Variants in PDE8B observed in about 807,000 individuals in gnomAD.
PDE8B encodes phosphodiesterase 8B, also known as high affinity cAMP-specific and IBMX-insensitive 3',5'-cyclic phosphodiesterase 8B.
In PDE8B, 26 loss-of-function variants were observed where a neutral mutation model predicts 101.3. The ratio of observed to expected loss-of-function variants is 0.26; its 90% CI spans 0.19 to 0.36. The LOEUF is 0.36. Ranked by LOEUF, PDE8B falls within the 10% of genes least tolerant of loss-of-function variation. The probability of loss-of-function intolerance (pLI) is 1.00; values close to 1 mark genes in which losing one functional copy is unlikely to be tolerated. For missense variants in PDE8B, 810 were observed against 1,163.1 expected (o/e 0.70, Z 4.42); for synonymous variants, 424 against 429.3 (o/e 0.99, Z 0.15).
chr5:77,383,105 T>A (rs1048720729), intron 10 of PDE8B, among the ~76,000 whole-genome samples: 1 of 152,220 alleles, frequency 6.6e-6, no homozygotes, highest in African/African-American at 2.4e-5. Flanking sequence ...ATCTGTTGTT[T>A]CCTGACTTTT....
chr5:77,136,282 CTGTTTTGTTTTTGTTT>C, the PDE8B span, among the ~76,000 whole-genome samples: 1 of 152,034 alleles, frequency 6.6e-6, no homozygotes, highest in Non-Finnish European at 1.5e-5. Context: ...GTAGCCTTTT[CTGTTTTGTTTTTGTTT>C]TGTTTTGTTT....
At chr5:77,387,277 C>T (rs534184266) in intron 10 of PDE8B, among the ~76,000 whole-genome samples, 36 of 152,216 alleles carry the variant, frequency 2.4e-4, no homozygotes, top group Non-Finnish European at 4.7e-4. Flanking sequence ...GAAAATCTCT[C>T]GGTATTTGCT....
chr5:77,129,735 C>T, the PDE8B span, among the ~76,000 whole-genome samples: 23 of 152,150 alleles, frequency 1.5e-4, no homozygotes, highest in Non-Finnish European at 2.4e-4. Context: ...CTGTGGGATG[C>T]GGTCCATGAC....
chr5:77,097,701 A>ATC, the PDE8B span, among the ~76,000 whole-genome samples: 4 of 21,650 alleles, frequency 1.8e-4, no homozygotes, highest in African/African-American at 5.1e-4. Context: ...ATCTATATAT[A>ATC]TATATCTATA....
chr5:77,381,914 C>T (rs1787548695), intron 10 of PDE8B, among the ~76,000 whole-genome samples: 1 of 152,156 alleles, frequency 6.6e-6, no homozygotes, highest in Non-Finnish European at 1.5e-5. Flanking sequence ...TGGTTTGAAG[C>T]AGTGTATTAT....
chr5:77,314,452 A>T (rs1050774023), intron 2 of PDE8B, among the ~76,000 whole-genome samples: 1 of 152,046 alleles, frequency 6.6e-6, no homozygotes, highest in Non-Finnish European at 1.5e-5. Flanking sequence ...TTTGATAGGG[A>T]TTGCAATGAA....
chr5:77,329,584 C>T (rs769852539), intron 4 of PDE8B, among the ~76,000 whole-genome samples: 15 of 152,068 alleles, frequency 9.9e-5, no homozygotes, highest in Non-Finnish European at 1.9e-4. Context: ...AAAGGGATTG[C>T]GCTGTAGGTG....
chr5:77,257,094 A>G (rs1759340412), intron 1 of PDE8B, among the ~76,000 whole-genome samples: 1 of 152,236 alleles, frequency 6.6e-6, no homozygotes, highest in South Asian at 2.1e-4. Flanking sequence ...AAGATAAGAT[A>G]TATTAGACAT....
intron 10 of PDE8B, among the ~76,000 whole-genome samples, 200 bp from the exon 11 acceptor site, chr5:77,400,048 T>TTC (rs1367156559): frequency 6.6e-6 from 1 of 152,222 alleles, no homozygotes; most frequent in East Asian, 1.9e-4. Flanking sequence ...GGCTCAGCCA[T>TTC]TCTATAAGTG....
chr5:77,411,544 C>A, intron 14 of PDE8B, 132 bp from the exon 15 acceptor site: 1 of 725,568 alleles, frequency 1.4e-6, no homozygotes, highest in Non-Finnish European at 2.4e-6. Flanking sequence ...TAATTTTGAG[C>A]TTTGCTTCAA....
the PDE8B span, among the ~76,000 whole-genome samples, chr5:77,173,596 C>T: frequency 2.6e-5 from 4 of 151,620 alleles, no homozygotes; most frequent in African/African-American, 7.3e-5. Flanking sequence ...AATGGAAGGG[C>T]GAATATTTCC....
At chr5:77,290,431 C>T (rs1767036305) in intron 1 of PDE8B, 1 of 1,443,810 alleles carries the variant, frequency 6.9e-7, no homozygotes, top group Non-Finnish European at 9.7e-7. Context: ...GTCCGACAGG[C>T]CAGTGTGGCA....
intron 13 of PDE8B, among the ~76,000 whole-genome samples, chr5:77,407,891 A>G (rs906035479): frequency 6.6e-6 from 1 of 152,124 alleles, no homozygotes; most frequent in Admixed American, 6.5e-5. Context: ...CAGGTGAGAG[A>G]GGAGGAGGAT....
At chr5:77,351,303 G>C in intron 9 of PDE8B, 150 bp downstream of exon 9, 1 of 708,272 alleles carries the variant, frequency 1.4e-6, no homozygotes, top group South Asian at 1.5e-5. Flanking sequence ...CTTCCACTCA[G>C]CCGGCAGCAA....
chr5:77,426,041 G>A (rs879007860), intron 21 of PDE8B, 145 bp downstream of exon 21: 3 of 760,868 alleles, frequency 3.9e-6, no homozygotes, highest in South Asian at 1.5e-5. Context: ...GTGGGGTGGG[G>A]TGCATTCTTT....
At chr5:77,404,858 G>GT (rs1793111784) in intron 12 of PDE8B, 61 bp downstream of exon 12, 1 of 1,097,060 alleles carries the variant, frequency 9.1e-7, no homozygotes, top group African/African-American at 1.5e-5. Context: ...GGAAGAATAT[G>GT]TTAAAAAATT....
At chr5:77,207,890 T>C (rs999987930), upstream of PDE8B, among the ~76,000 whole-genome samples, 1 of 152,220 alleles carries the variant, frequency 6.6e-6, no homozygotes, top group Non-Finnish European at 1.5e-5. Context: ...GAAGATGTGT[T>C]TGAGCTACTG....
At chr5:77,173,696 T>C in the PDE8B span, among the ~76,000 whole-genome samples, 24 of 152,220 alleles carry the variant, frequency 1.6e-4, no homozygotes, top group East Asian at 4.3e-3. Flanking sequence ...GTTAGTTACA[T>C]TTGGGAAATT....
intron 1 of PDE8B, among the ~76,000 whole-genome samples, chr5:77,269,410 T>C (rs1264555119): frequency 1.3e-5 from 2 of 152,224 alleles, no homozygotes; most frequent in African/African-American, 4.8e-5. Context: ...AAATATTTTC[T>C]CCCATTCCGT....
Sources: gnomAD v4.1 joint callset for allele counts (sites outside exome capture counted in the v4.1 genomes callset) on GRCh38, gnomAD v4.1.1 for gene constraint, MANE v1.5 for transcripts, NCBI Gene and HGNC (gene_info 2026-07-23, HGNC 2026-07-21) for gene names.